The following VPS13D variants were observed in gnomAD, a reference collection of about 807,000 sequenced individuals.
The protein encoded by VPS13D is intermembrane lipid transfer protein VPS13D.
A neutral mutation model predicts 461.9 loss-of-function variants in VPS13D; 187 were observed. That is an observed-to-expected ratio of 0.40 (90% confidence interval 0.36 to 0.46). The LOEUF (loss-of-function observed/expected upper bound fraction) is 0.46. VPS13D is among the 20% of genes least tolerant of loss of function. The pLI is 0.60. For missense variants in VPS13D, 4,711 were observed against 5,364.9 expected, an observed-to-expected ratio of 0.88 and a Z score of 3.81; for synonymous variants, 1,951 against 1,986.3, an observed-to-expected ratio of 0.98 and a Z score of 0.47.
intron 35 of VPS13D, 74 bp from the exon 36 acceptor site, chr1:12,327,572 TTC>T: frequency 1.4e-6 from 2 of 1,481,408 alleles, no homozygotes; most frequent in Non-Finnish European, 9.3e-7. Context: ...AGAATTTTAT[TTC>T]TCTGTTTCCT....
rs1176070199 is a variant in VPS13D at position 12,386,320 on chromosome 1, A to G, written c.11620A>G (p.Ile3874Val). The G allele has an allele frequency of 1.2e-6, 2 of 1,608,798 alleles. No individual in the cohort carries two copies. The highest frequency in any genetic ancestry group is 3.4e-5 in the Admixed American group (2 of 59,058). ...LATSHMLELS[I>V]QDVQVDNQLI... is the part of the protein sequence containing the mutation. ...AACCAGTCACATGCTTGAACTCAGCATACAGGATGTACAGGTAAGGGGGAA... is the reference window on the plus strand; with the variant it reads ...AACCAGTCACATGCTTGAACTCAGCGTACAGGATGTACAGGTAAGGGGGAA... The change falls in exon 60 of 70, where the codon ATA (isoleucine) becomes GTA (valine). Residue 3874 changes from isoleucine (I) to valine (V), a missense_variant. By Grantham distance (29) the Ile-to-Val change is conservative. Transcript: ENST00000620676.
chr1:12,432,513 C>T (rs1645005112), intron 65 of VPS13D, among the ~76,000 whole-genome samples: 1 of 152,054 alleles, frequency 6.6e-6, no homozygotes, highest in African/African-American at 2.4e-5. Flanking sequence ...TGTCCAGTTG[C>T]CTGCTGTCCA....
At position 12,349,309 on chromosome 1, in the gene VPS13D, T is replaced by G. The variant is rs1416945770; in HGVS notation, c.9366T>G (p.Thr3122=). The change falls in exon 46 of 70, where the codon ACT becomes ACG. Residue 3122 remains threonine, a synonymous_variant. Transcript: ENST00000620676. The part of the protein sequence containing the change: ...APIHWTNVVK[T]AEISSSKREC... ...TTCATTGGACCAATGTAGTGAAGAC[T>G]GCAGAAATTAGTAGCAGTAAACGAG... 8.1e-6 allele frequency: 13 copies of G among 1,614,080 alleles called. No homozygotes were observed. Among genetic ancestry groups the G allele is most frequent in the Non-Finnish European group, 1.1e-5 (13 of 1,180,042 alleles).
intron 51 of VPS13D, 88 bp from the exon 52 acceptor site, chr1:12,362,984 A>G: frequency 6.3e-7 from 1 of 1,580,808 alleles, no homozygotes; most frequent in Non-Finnish European, 8.6e-7. Context: ...AGCTCCTGTT[A>G]GAGGGTAAGG....
In VPS13D at chr1:12,369,465, A is replaced by G. The variant is rs1324187000; in HGVS notation, c.10573-2A>G. 2.5e-6 allele frequency: 4 copies of G among 1,613,868 alleles called. No homozygotes were observed. Among genetic ancestry groups the G allele is most frequent in the Non-Finnish European group, 3.4e-6 (4 of 1,179,960 alleles). The stretch of plus-strand genomic sequence containing the variant: ...TCTTTGTCCTCTCTGCCATCACTCT[A>G]GGTCCCGGTTGTCTTTACTCAGCAT... On this transcript the variant is annotated splice_acceptor_variant, in intron 53 of 69. Transcript: ENST00000620676. LOFTEE classifies it high-confidence loss of function.
Position 12,341,235 on chromosome 1 carries a change from C to G in VPS13D, c.8627-545C>G, listed in dbSNP as rs1643561513. Among the ~76,000 whole-genome samples, 3 of 152,222 alleles carry G rather than the reference C, an allele frequency of 2.0e-5. No homozygotes were observed. In the South Asian group the frequency reaches 6.2e-4, roughly 32 times the overall value. On this transcript the variant is annotated intron_variant, in intron 40 of 69. Transcript: ENST00000620676. ...TGGGCTAACAATTTTGTTTGAAAAG[C>G]TTTGAGATGGTCTACTTCTGCCTTT...
intron 67 of VPS13D, among the ~76,000 whole-genome samples, chr1:12,493,662 A>G (rs925247122): frequency 1.3e-5 from 2 of 152,236 alleles, no homozygotes; most frequent in African/African-American, 2.4e-5. Context: ...GTGTCACATC[A>G]ACAGATGAAG....
intron 5 of VPS13D, 71 bp downstream of exon 5, chr1:12,244,688 C>T: frequency 1.4e-6 from 2 of 1,430,146 alleles, no homozygotes; most frequent in Middle Eastern, 2.0e-4. Flanking sequence ...TGTTTCTCCT[C>T]TTAGTTTCTC....
At position 12,304,534 on chromosome 1, in the gene VPS13D, G is replaced by T. The variant is rs752373193; in HGVS notation, c.6245G>T (p.Gly2082Val). 1.2e-6 allele frequency: 2 copies of T among 1,613,856 alleles called. No homozygotes were observed. The highest frequency in any genetic ancestry group is 2.7e-5 in the African/African-American group (2 of 74,868). The change falls in exon 26 of 70, where the codon GGT becomes GTT. Residue 2082 changes from glycine to valine, a missense_variant. Transcript: ENST00000620676. The stretch of plus-strand genomic sequence containing the variant: ...TCTGTGCCTTCAGCTTCCCCAACGG[G>T]TATTCCCAAACACAGTCTGAGGAAA... Reference protein sequence around the residue: ...KESVPSASPTGIPKHSLRKTT... With the variant: ...KESVPSASPTVIPKHSLRKTT...
intron 37 of VPS13D, among the ~76,000 whole-genome samples, chr1:12,331,625 C>T (rs373847776): frequency 4.7e-5 from 7 of 147,372 alleles, no homozygotes; most frequent in East Asian, 4.0e-4. Flanking sequence ...GGCAGGAGAA[C>T]GGTGTGAACC....
At chr1:12,470,695 A>G (rs1014600310) in intron 67 of VPS13D, among the ~76,000 whole-genome samples, 1 of 152,230 alleles carries the variant, frequency 6.6e-6, no homozygotes. Flanking sequence ...GTGTGTTAAT[A>G]TTCTTAAGCC....
At chr1:12,435,249 A>G (rs954143604) in intron 65 of VPS13D, among the ~76,000 whole-genome samples, 4 of 151,964 alleles carry the variant, frequency 2.6e-5, no homozygotes, top group Non-Finnish European at 5.9e-5. Context: ...GCTTGAACTC[A>G]GGAGTTCGAG....
At chr1:12,392,177 T>C (rs1434319835) in intron 60 of VPS13D, among the ~76,000 whole-genome samples, 2 of 152,098 alleles carry the variant, frequency 1.3e-5, no homozygotes, top group Non-Finnish European at 2.9e-5. Context: ...ATGTTATTTT[T>C]CTTTTGCCAT....
At chr1:12,409,135 T>C (rs1046087763) in intron 63 of VPS13D, among the ~76,000 whole-genome samples, 20 of 152,140 alleles carry the variant, frequency 1.3e-4, no homozygotes, top group Non-Finnish European at 1.5e-5. Context: ...TTTATTTTTA[T>C]GTTGTCAAAT....
intron 25 of VPS13D, among the ~76,000 whole-genome samples, chr1:12,300,254 C>G (rs1285249540): frequency 2.2e-5 from 3 of 134,728 alleles, no homozygotes; most frequent in African/African-American, 8.5e-5. Context: ...GTTGCCAAGG[C>G]TGGAGTGCAG....
At chr1:12,345,085 T>C (rs1643646175) in intron 42 of VPS13D, 1 of 279,934 alleles carries the variant, frequency 3.6e-6, no homozygotes, top group African/African-American at 2.1e-5. Context: ...GGGGTGAGGG[T>C]TGGTGGGGGA....
intron 6 of VPS13D, among the ~76,000 whole-genome samples, chr1:12,252,067 G>A (rs1429819576): frequency 2.0e-5 from 3 of 152,092 alleles, no homozygotes; most frequent in Non-Finnish European, 4.4e-5. Flanking sequence ...TCTTCATGTG[G>A]CCTTCTCCTT....
chr1:12,366,944 T>G (rs1262276209), intron 52 of VPS13D, among the ~76,000 whole-genome samples: 3 of 152,204 alleles, frequency 2.0e-5, no homozygotes, highest in African/African-American at 7.2e-5. Context: ...TTTTTCTAAT[T>G]AAATATAATA....
chr1:12,411,022 T>C (rs1044658546), intron 63 of VPS13D, among the ~76,000 whole-genome samples: 1 of 152,220 alleles, frequency 6.6e-6, no homozygotes, highest in African/African-American at 2.4e-5. Flanking sequence ...ATTGGTGAGA[T>C]AGTAAAAGCT....
Sources: allele counts gnomAD v4.1 joint callset (sites outside exome capture counted in the v4.1 genomes callset), GRCh38; gene constraint gnomAD v4.1.1; transcripts MANE v1.5; gene names NCBI Gene and HGNC (gene_info 2026-07-23, HGNC 2026-07-21).